DYNC2H1: variants seen among roughly 807,000 people sequenced by gnomAD.
DYNC2H1 encodes cytoplasmic dynein 2 heavy chain 1.
A neutral mutation model predicts 570.0 loss-of-function variants in DYNC2H1; 410 were observed. The observed-to-expected ratio is 0.72, with a 90% CI of 0.66 to 0.78. The LOEUF (loss-of-function observed/expected upper bound fraction) is 0.78. Among genes scored for constraint, DYNC2H1 ranks in the 30% least tolerant of loss-of-function variants. The probability of loss-of-function intolerance (pLI) is 0.00; values close to 1 mark genes in which losing one functional copy is unlikely to be tolerated. For synonymous variants in DYNC2H1, 1,688 were observed against 1,677.6 expected (o/e 1.01, Z -0.15); for missense variants, 4,865 against 5,046.4 (o/e 0.96, Z 1.09).
chr11:103,166,722 CT>C (rs1223518809), intron 31 of DYNC2H1, among the ~76,000 whole-genome samples: 5 of 151,430 alleles, frequency 3.3e-5, no homozygotes, highest in South Asian at 2.1e-4. Flanking sequence ...TAATACATTA[CT>C]TTTTTTTTCT....
chr11:103,257,082 G>A (rs1865086781), intron 68 of DYNC2H1, among the ~76,000 whole-genome samples: 1 of 152,170 alleles, frequency 6.6e-6, no homozygotes, highest in South Asian at 2.1e-4. Flanking sequence ...CAGTGTAATA[G>A]TATTAAGAGG....
chr11:103,470,372 A>C (rs555885240), intron 88 of DYNC2H1, among the ~76,000 whole-genome samples: 4 of 152,316 alleles, frequency 2.6e-5, no homozygotes, highest in African/African-American at 9.6e-5. Flanking sequence ...TGAATAGAGC[A>C]TTTATCCTAT....
intron 85 of DYNC2H1, among the ~76,000 whole-genome samples, chr11:103,436,647 A>T (rs1225600605): frequency 6.6e-6 from 1 of 152,046 alleles, no homozygotes; most frequent in Non-Finnish European, 1.5e-5. Flanking sequence ...AGCACTCTTC[A>T]TCCATGTTTT....
chr11:103,213,792 GTTAA>G (rs1308823743), intron 54 of DYNC2H1, among the ~76,000 whole-genome samples: 1 of 152,188 alleles, frequency 6.6e-6, no homozygotes, highest in African/African-American at 2.4e-5. Context: ...TATTCACTCT[GTTAA>G]TTGTTTCCTT....
At chr11:103,160,564 A>T (rs1861049255) in intron 28 of DYNC2H1, among the ~76,000 whole-genome samples, 1 of 152,046 alleles carries the variant, frequency 6.6e-6, no homozygotes, top group African/African-American at 2.4e-5. Flanking sequence ...ATTCTTACTG[A>T]TTGGTACGTA....
At chr11:103,150,555 G>A (rs1860485888) in intron 20 of DYNC2H1, among the ~76,000 whole-genome samples, 1 of 152,120 alleles carries the variant, frequency 6.6e-6, no homozygotes, top group East Asian at 1.9e-4. Flanking sequence ...TAGAAGTGGT[G>A]GAGACTGAGT....
rs199929555 is a variant in DYNC2H1, at chr11:103,358,245, T to C, written c.12042T>C (p.Val4014=). The change falls in exon 83 of 89, where the codon GTT becomes GTC. Residue 4014 remains valine (V), a splice_region_variant and synonymous_variant. Transcript: ENST00000375735. ...RSSQRMISSQ[V]ISQLRILGRS... Reference sequence around the variant, plus strand: ...ATACTTATTATTTTTTTATTCAGGTTATTTCACAGTTGAGGATTTTGGGCA... The same window carrying C: ...ATACTTATTATTTTTTTATTCAGGTCATTTCACAGTTGAGGATTTTGGGCA... 52 of 1,546,534 alleles carry C rather than the reference T, an allele frequency of 3.4e-5. No individual in the cohort carries two copies. In the African/African-American group the frequency reaches 6.0e-4, roughly 18 times the overall value.
chr11:103,258,649 A>C (rs1002315061), intron 69 of DYNC2H1, among the ~76,000 whole-genome samples: 6 of 152,148 alleles, frequency 3.9e-5, no homozygotes, highest in Non-Finnish European at 1.5e-5. Context: ...CACTGAGTAG[A>C]TGGATGGACT....
intron 70 of DYNC2H1, among the ~76,000 whole-genome samples, chr11:103,271,087 A>G (rs1591503928): frequency 6.6e-6 from 1 of 152,326 alleles, no homozygotes; most frequent in East Asian, 1.9e-4. Context: ...ATTATGTTTT[A>G]AAGTATAATA....
chr11:103,163,411 G>C lies in DYNC2H1; in HGVS notation c.4611+264G>C, dbSNP rs1288966822. 6.6e-6 allele frequency among the ~76,000 whole-genome samples: 1 copy of C among 152,142 alleles called. No homozygotes were observed. The highest frequency in any genetic ancestry group is 1.5e-5 in the Non-Finnish European group (1 of 68,012). ...ATAGCTTCCTGGTTCCAGATGATTA[G>C]TTCATCATTGATGGAGAATCACAGG... On this transcript the variant is annotated intron_variant, in intron 30 of 88. Transcript: ENST00000375735. The surrounding 1 kb of genome is among the most constrained non-coding windows in gnomAD (Gnocchi z 4.6).
Position 103,170,084 on chromosome 11 carries a change from T to C in DYNC2H1, c.4969-24T>C, listed in dbSNP as rs1176917141. The C allele has an allele frequency of 2.5e-6, 4 of 1,571,198 alleles. No individual in the cohort carries two copies. In the African/African-American group the frequency reaches 4.1e-5, roughly 16 times the overall value. On this transcript the variant is annotated intron_variant, in intron 32 of 88. Transcript: ENST00000375735. The surrounding 1 kb of genome is among the most constrained non-coding windows in gnomAD (Gnocchi z 4.8). Reference sequence around the variant, plus strand: ...AATGTTGAATAGAACATGAATACTCTGACTTTGTGTTGTTCTTGTATAGGG... The same window carrying C: ...AATGTTGAATAGAACATGAATACTCCGACTTTGTGTTGTTCTTGTATAGGG...
chr11:103,118,134 G>C (rs1181731267), intron 6 of DYNC2H1, among the ~76,000 whole-genome samples: 1 of 152,076 alleles, frequency 6.6e-6, no homozygotes, highest in East Asian at 1.9e-4. Flanking sequence ...AGCTTTCAGG[G>C]GGTCTTTTGG....
rs1320746443 is a variant in DYNC2H1 at position 103,113,596 on chromosome 11, A to G, written c.255A>G (p.Val85=). The G allele has an allele frequency of 1.3e-6, 2 of 1,578,816 alleles. No individual in the cohort carries two copies. Among genetic ancestry groups the G allele is most frequent in the Non-Finnish European group, 1.7e-6 (2 of 1,167,324 alleles). The change falls in exon 2 of 89, where the codon GTA becomes GTG. Residue 85 remains valine (V), a synonymous_variant. Transcript: ENST00000375735. The part of the protein sequence containing the change: ...VLVFFKLRPE[V]ITDENLHDNI... ...TGTTTTTCAAGCTGCGACCTGAAGT[A>G]ATTACTGATGAGAATCTACATGATA...
chr11:103,156,418 A>C lies in DYNC2H1; in HGVS notation c.3775A>C (p.Thr1259Pro), dbSNP rs780456357. ...AAATAGTCGGGCACAAGGTGAAGTT[A>C]CAATCAGAGAAGCTTTACGTGAACT... is the stretch of plus-strand genomic sequence containing the variant. The part of the protein sequence containing the change: ...DLNSRAQGEV[T>P]IREALRELDL... The change falls in exon 26 of 89, where the codon ACA (threonine) becomes CCA (proline). Residue 1259 changes from threonine (T) to proline (P), a missense_variant. Transcript: ENST00000375735. The C allele has an allele frequency of 1.2e-6, 2 of 1,613,602 alleles. No homozygotes were observed. The highest frequency in any genetic ancestry group is 1.7e-6 in the Non-Finnish European group (2 of 1,179,676).
intron 17 of DYNC2H1, among the ~76,000 whole-genome samples, chr11:103,142,308 G>T (rs1391423463): frequency 6.6e-6 from 1 of 152,170 alleles, no homozygotes; most frequent in Non-Finnish European, 1.5e-5. Context: ...CGTCGCCCAC[G>T]CTGGGAACTG....
chr11:103,154,338 C>A, intron 22 of DYNC2H1, 113 bp from the exon 23 acceptor site: 1 of 808,668 alleles, frequency 1.2e-6, no homozygotes. Flanking sequence ...ATTAAACATA[C>A]ACAAGTGTGT....
At chr11:103,337,461 A>T (rs534272403) in intron 82 of DYNC2H1, among the ~76,000 whole-genome samples, 6 of 152,158 alleles carry the variant, frequency 3.9e-5, no homozygotes, top group Non-Finnish European at 1.5e-5. Context: ...AGGAACATCC[A>T]TACTGTTTTC....
chr11:103,142,395 C>T (rs773780908), intron 17 of DYNC2H1, among the ~76,000 whole-genome samples: 1 of 151,904 alleles, frequency 6.6e-6, no homozygotes, highest in Non-Finnish European at 1.5e-5. Context: ...GTGGGTTGGG[C>T]GTGGTGGCTC....
At chr11:103,355,413 A>G (rs1940286625) in intron 82 of DYNC2H1, among the ~76,000 whole-genome samples, 1 of 152,192 alleles carries the variant, frequency 6.6e-6, no homozygotes, top group Non-Finnish European at 1.5e-5. Context: ...GAAAATTAGG[A>G]TGGGAAAATA....
Sources: gnomAD v4.1 joint callset for allele counts (sites outside exome capture counted in the v4.1 genomes callset) on GRCh38, gnomAD v4.1.1 for gene constraint, Gnocchi (gnomAD v3.1) non-coding constraint, MANE v1.5 for transcripts, NCBI Gene and HGNC (gene_info 2026-07-23, HGNC 2026-07-21) for gene names.